EP300: variants seen among roughly 807,000 people sequenced by gnomAD.
The protein encoded by EP300 is EP300 lysine acetyltransferase.
EP300 carries 31 observed loss-of-function variants against 264.0 expected under a neutral mutation model. The ratio of observed to expected loss-of-function variants is 0.12; its 90% CI spans 0.09 to 0.16. EP300 has a LOEUF of 0.16. Ranked by LOEUF, EP300 falls within the 10% of genes least tolerant of loss-of-function variation. The pLI is 1.00. For synonymous variants in EP300, 1,340 were observed against 1,045.4 expected, an observed-to-expected ratio of 1.28 and a Z score of -5.44; for missense variants, 2,766 against 3,052.9, an observed-to-expected ratio of 0.91 and a Z score of 2.21.
At chr22:41,165,775 T>G (rs1369405015) in intron 22 of EP300, among the ~76,000 whole-genome samples, 1 of 151,982 alleles carries the variant, frequency 6.6e-6, no homozygotes, top group Non-Finnish European at 1.5e-5. Context: ...TTGTTATAAG[T>G]CATAGACTTT....
chr22:41,174,748 T>C (rs1383123410), intron 29 of EP300: 1 of 152,080 alleles, frequency 6.6e-6, no homozygotes, highest in Non-Finnish European at 1.5e-5. Flanking sequence ...TTATAGGAAG[T>C]GGTAATTAAG....
chr22:41,157,616 C>T (rs1444734550), intron 18 of EP300, among the ~76,000 whole-genome samples: 1 of 149,786 alleles, frequency 6.7e-6, no homozygotes, highest in African/African-American at 2.5e-5. Context: ...CTCCTGGGCT[C>T]AAGCAATTCT....
At chr22:41,154,376 C>CTTTT (rs869304891) in intron 16 of EP300, among the ~76,000 whole-genome samples, 4,229 of 61,702 alleles carry the variant, frequency 0.069, 731 homozygotes, top group Non-Finnish European at 0.082. Context: ...CTTGTGCACT[C>CTTTT]TTTTTTTTTT....
intron 1 of EP300, among the ~76,000 whole-genome samples, chr22:41,110,253 C>CT (rs1484977374): frequency 7.2e-6 from 1 of 139,142 alleles, no homozygotes; most frequent in African/African-American, 2.7e-5. Context: ...TAACTGGGAC[C>CT]TGTAGGTGCA....
chr22:41,157,634 C>T (rs527965443), intron 18 of EP300, among the ~76,000 whole-genome samples: 56 of 151,450 alleles, frequency 3.7e-4, no homozygotes, highest in Middle Eastern at 3.4e-3. Context: ...TCTCCCACCT[C>T]AGCCTCCTGA....
intron 6 of EP300, among the ~76,000 whole-genome samples, chr22:41,134,326 A>G (rs1271665460): frequency 6.6e-6 from 1 of 151,838 alleles, no homozygotes; most frequent in African/African-American, 2.4e-5. Context: ...CGCTGTGTGC[A>G]TGTGTGTTTT....
intron 19 of EP300, chr22:41,158,855 A>C: frequency 3.8e-6 from 1 of 260,000 alleles, no homozygotes; most frequent in Non-Finnish European, 7.6e-6. Flanking sequence ...CTTTTAACTG[A>C]AACTCGCTAG....
At position 41,136,052 on chromosome 22, in the gene EP300, G is replaced by A. The variant is rs150563866; in HGVS notation, c.1622+146G>A. ...GTTTGAGTCCATTCTTTCTTTTTTCGCTCTGTAGCCCAGGCTAGAGTGCAG... is the reference window on the plus strand; with the variant it reads ...GTTTGAGTCCATTCTTTCTTTTTTCACTCTGTAGCCCAGGCTAGAGTGCAG... On this transcript the variant is annotated intron_variant, in intron 7 of 30. Transcript: ENST00000263253. 7.8e-3 allele frequency: 5,609 copies of A among 722,172 alleles called. 32 individuals carry two copies. The highest frequency in any genetic ancestry group is 0.011 in the Non-Finnish European group (4,618 of 405,584). 44.7% of individuals were successfully genotyped at this position (722,172 alleles called of 1,614,324 possible). A position where few individuals can be genotyped will look rare whatever the true frequency, so the allele number is the denominator to read the frequency against.
In EP300 at chr22:41,148,834, G is replaced by A. The variant is rs2059026715; in HGVS notation, c.2242-204G>A. On this transcript the variant is annotated intron_variant, in intron 12 of 30. Transcript: ENST00000263253. Reference sequence around the variant, plus strand: ...CTTGGAGTAGGCCTAGGTAAACTGTGAGGCTATTTCTCTTTATCTTGGCAC... The same window carrying A: ...CTTGGAGTAGGCCTAGGTAAACTGTAAGGCTATTTCTCTTTATCTTGGCAC... The A allele has an allele frequency of 1.4e-5, 9 of 627,724 alleles. No individual in the cohort carries two copies. In the South Asian group the frequency reaches 1.8e-4, roughly 12 times the overall value. 38.9% of individuals were successfully genotyped at this position (627,724 alleles called of 1,614,324 possible). A position where few individuals can be genotyped will look rare whatever the true frequency, so the allele number is the denominator to read the frequency against.
At chr22:41,147,665 G>T (rs987839385) in intron 11 of EP300, among the ~76,000 whole-genome samples, 172 bp from the exon 12 acceptor site, 1 of 152,046 alleles carries the variant, frequency 6.6e-6, no homozygotes, top group African/African-American at 2.4e-5. Flanking sequence ...GTGAACCCAG[G>T]TGGCAGAGCT....
intron 1 of EP300, among the ~76,000 whole-genome samples, chr22:41,093,441 C>T (rs911846774): frequency 6.6e-6 from 1 of 152,178 alleles, no homozygotes; most frequent in Non-Finnish European, 1.5e-5. Flanking sequence ...ATTTAAGTTT[C>T]ATTTTTTTTG....
chr22:41,147,238 G>A (rs912211483), intron 11 of EP300, among the ~76,000 whole-genome samples: 3 of 151,240 alleles, frequency 2.0e-5, no homozygotes, highest in Admixed American at 6.6e-5. Context: ...CCCAGGAGGC[G>A]GAGTTTGCAG....
At chr22:41,163,471 C>T (rs1054728453) in intron 21 of EP300, among the ~76,000 whole-genome samples, 68 of 149,982 alleles carry the variant, frequency 4.5e-4, no homozygotes, top group African/African-American at 1.1e-3. Flanking sequence ...CAGGTTTGGC[C>T]GGGCACAGTG....
chr22:41,132,819 A>G (rs1161987303), intron 6 of EP300, among the ~76,000 whole-genome samples: 1 of 152,120 alleles, frequency 6.6e-6, no homozygotes, highest in East Asian at 1.9e-4. Context: ...AAGAGGGAGA[A>G]GTGTTCCAGT....
At chr22:41,162,186 T>A (rs985418650) in intron 20 of EP300, among the ~76,000 whole-genome samples, 1 of 152,160 alleles carries the variant, frequency 6.6e-6, no homozygotes, top group Non-Finnish European at 1.5e-5. Flanking sequence ...TTCAGGAAAA[T>A]GCTATTAACA....
chr22:41,178,981 C>CA lies in EP300; in HGVS notation c.*32dup, dbSNP rs1183406155. 1.9e-6 allele frequency: 3 copies of CA among 1,609,162 alleles called. No individual in the cohort carries two copies. Among genetic ancestry groups the CA allele is most frequent in the South Asian group, 1.1e-5 (1 of 90,586 alleles). ...GAGACACCTTGTAGTATTTTGGGAG[C>CA]AAAAAAATTATTTTCTCTTAACAAG... On this transcript the variant is annotated 3_prime_UTR_variant, in exon 31 of 31. Transcript: ENST00000263253.
chr22:41,134,304 T>A (rs1242577818), intron 6 of EP300, among the ~76,000 whole-genome samples: 2 of 152,176 alleles, frequency 1.3e-5, no homozygotes, highest in African/African-American at 2.4e-5. Context: ...CGTGTGTGTT[T>A]GAGTTTGGTC....
chr22:41,178,927 C>G lies in EP300; in HGVS notation c.7216C>G (p.Leu2406Val). 6.2e-7 allele frequency: 1 copy of G among 1,614,186 alleles called. No individual in the cohort carries two copies. Among genetic ancestry groups the G allele is most frequent in the Non-Finnish European group, 8.5e-7 (1 of 1,180,048 alleles). Residue 2406 changes from leucine (L) to valine (V), a missense_variant, in exon 31 of 31, where the codon CTC becomes GTC. Physicochemically the swap from Leu to Val is conservative, Grantham distance 32. Transcript: ENST00000263253. ...CGATAACTCAGACTTGAATTCAAAC[C>G]TCTCACAGAGTACACTAGACATACA... The part of the protein sequence containing the change: ...STDNSDLNSN[L>V]SQSTLDIH
rs1271027516 is a variant in EP300 at position 41,177,366 on chromosome 22, C to G, written c.5655C>G (p.Pro1885=). Residue 1885 remains proline, a synonymous_variant, in exon 31 of 31, where the codon CCC becomes CCG. Coordinates refer to ENST00000263253, the MANE Select transcript of EP300 (RefSeq NM_001429.4). ...CTACCCCTCCCAATAGCATGCCACC[C>G]TACTTGCCCAGGACTCAAGCTGCTG... The part of the protein sequence containing the change: ...PQPTPPNSMP[P]YLPRTQAAGP... 3 of 1,614,054 alleles carry G rather than the reference C, an allele frequency of 1.9e-6. No homozygotes were observed. In the South Asian group the frequency reaches 3.3e-5, roughly 18 times the overall value.
Sources: allele counts gnomAD v4.1 joint callset (sites outside exome capture counted in the v4.1 genomes callset), GRCh38; gene constraint gnomAD v4.1.1; transcripts MANE v1.5; gene names NCBI Gene and HGNC (gene_info 2026-07-23, HGNC 2026-07-21).